Variants in SMG1 observed in about 807,000 individuals in gnomAD.
SMG1 encodes the protein serine/threonine-protein kinase SMG1.
SMG1 carries 22 observed loss-of-function variants against 419.9 expected under a neutral mutation model. The observed-to-expected ratio is 0.05, with a 90% CI of 0.04 to 0.07. The LOEUF (loss-of-function observed/expected upper bound fraction) is 0.07. Ranked by LOEUF, SMG1 falls within the 10% of genes least tolerant of loss-of-function variation. SMG1 has a pLI of 1.00. For missense variants in SMG1, 3,185 were observed against 4,342.0 expected, an observed-to-expected ratio of 0.73 and a Z score of 7.49; for synonymous variants, 1,538 against 1,553.5, an observed-to-expected ratio of 0.99 and a Z score of 0.23.
At chr16:18,913,492 TAAAAA>T (rs201026213) in intron 1 of SMG1, among the ~76,000 whole-genome samples, 1 of 143,434 alleles carries the variant, frequency 7.0e-6, no homozygotes, top group South Asian at 2.2e-4. Context: ...AGAGCTTCAG[TAAAAA>T]AAAAAAGAAA....
In SMG1 at chr16:18,833,170, T is replaced by C. The variant is rs781350038; in HGVS notation, c.8566-4A>G. On this transcript the variant is annotated splice_region_variant and splice_polypyrimidine_tract_variant and intron_variant, in intron 50 of 62. Transcript: ENST00000446231. ...GCCGGAAATTCGAATTCAATTCCTA[T>C]AAATATATGAGAAAAAAACTTTTAA... is the stretch of plus-strand genomic sequence containing the variant. The C allele has an allele frequency of 3.1e-6, 5 of 1,611,138 alleles. No homozygotes were observed. The South Asian group carries it at 3.3e-5, about 11-fold the overall frequency.
chr16:18,838,901 T>C (rs1020316791), intron 42 of SMG1, among the ~76,000 whole-genome samples: 2 of 152,232 alleles, frequency 1.3e-5, no homozygotes, highest in African/African-American at 4.8e-5. Flanking sequence ...TAATCAGCTA[T>C]CAGGATGCTG....
At chr16:18,844,207 T>C (rs975234829) in intron 39 of SMG1, among the ~76,000 whole-genome samples, 1 of 151,912 alleles carries the variant, frequency 6.6e-6, no homozygotes, top group Non-Finnish European at 1.5e-5. Context: ...GGAGGGTGGA[T>C]CACTTGAGGC....
intron 41 of SMG1, among the ~76,000 whole-genome samples, chr16:18,841,043 G>C (rs1050250128): frequency 8.6e-5 from 13 of 152,026 alleles, no homozygotes; most frequent in African/African-American, 3.1e-4. Context: ...CTGGACAACA[G>C]AGCAAGACCC....
chr16:18,902,663 G>A (rs1219415886), intron 1 of SMG1, among the ~76,000 whole-genome samples: 1 of 151,500 alleles, frequency 6.6e-6, no homozygotes, highest in East Asian at 1.9e-4. Flanking sequence ...CTGTGATCAT[G>A]CCACTGCACT....
intron 47 of SMG1, 32 bp from the exon 48 acceptor site, chr16:18,836,244 A>G (rs1442351744): frequency 1.2e-6 from 2 of 1,602,080 alleles, no homozygotes; most frequent in African/African-American, 1.3e-5. Context: ...AAACACAGTA[A>G]AACAGGGTCA....
intron 6 of SMG1, 72 bp from the exon 7 acceptor site, chr16:18,885,738 A>G: frequency 7.2e-7 from 1 of 1,393,454 alleles, no homozygotes. Flanking sequence ...TAGGTTCATT[A>G]TTTACTGACT....
chr16:18,848,177 T>C lies in SMG1; in HGVS notation c.5624-144A>G. 3 of 665,624 alleles carry C rather than the reference T, an allele frequency of 4.5e-6. 1 individual carries two copies. In the South Asian group the frequency reaches 5.8e-5, roughly 13 times the overall value. 41.2% of individuals were successfully genotyped at this position (665,624 alleles called of 1,614,324 possible). A position where few individuals can be genotyped will look rare whatever the true frequency, so the allele number is the denominator to read the frequency against. ...TTCCAGGCATAGAACTGATTAAAGA[T>C]TGTGGATATTCTGCCTTTTTATAGG... On this transcript the variant is annotated intron_variant, in intron 36 of 62. Coordinates refer to ENST00000446231, the MANE Select transcript of SMG1 (RefSeq NM_015092.5).
intron 10 of SMG1, among the ~76,000 whole-genome samples, chr16:18,881,541 TTATGAC>T (rs2036397516): frequency 6.6e-6 from 1 of 152,224 alleles, no homozygotes; most frequent in Non-Finnish European, 1.5e-5. Context: ...ATTAAATCTT[TTATGAC>T]TATATCACAC....
chr16:18,896,902 A>G lies in SMG1; in HGVS notation c.147T>C (p.Asp49=), dbSNP rs776732521. Residue 49 remains aspartate, a synonymous_variant, in exon 2 of 63, where the codon GAT becomes GAC. Transcript: ENST00000446231. ...GTCCATAAGAGGAAGAACCACCTCTATCTCTGGATGAAGAATATTTTAAAT... is the reference window on the plus strand; with the variant it reads ...GTCCATAAGAGGAAGAACCACCTCTGTCTCTGGATGAAGAATATTTTAAAT... The part of the protein sequence containing the change: ...PDNLKYSSSR[D]RGGSSSYGLQ... 6.2e-7 allele frequency: 1 copy of G among 1,602,736 alleles called. No individual in the cohort carries two copies. Among genetic ancestry groups the G allele is most frequent in the Non-Finnish European group, 8.5e-7 (1 of 1,173,958 alleles).
intron 1 of SMG1, among the ~76,000 whole-genome samples, chr16:18,914,941 A>AT (rs35987365): frequency 8.9e-4 from 127 of 142,488 alleles, no homozygotes; most frequent in East Asian, 2.1e-3. Flanking sequence ...AAATTACCAT[A>AT]TTTTTTTTTT....
chr16:18,854,878 G>C lies in SMG1; in HGVS notation c.4261C>G (p.Leu1421Val). Residue 1421 changes from leucine (L) to valine (V), a missense_variant, in exon 30 of 63, where the codon CTC (leucine) becomes GTC (valine). Around this residue, in one of 27 missense-constraint regions of SMG1, gnomAD observed 493 missense variants for 552.9 expected, o/e 0.89. Coordinates refer to ENST00000446231, the MANE Select transcript of SMG1 (RefSeq NM_015092.5). ...KEQTVPIRSH[L>V]MELGLTAAKF... ...GCTGCTGTTAGACCTAATTCCATGA[G>C]ATGGCTTCTAATTGGGACTGTTTGT... 6.2e-7 allele frequency: 1 copy of C among 1,613,918 alleles called. No homozygotes were observed. Among genetic ancestry groups the C allele is most frequent in the Non-Finnish European group, 8.5e-7 (1 of 1,179,854 alleles).
intron 29 of SMG1, chr16:18,856,366 T>TCA (rs1379980851): frequency 5.3e-5 from 7 of 132,534 alleles, no homozygotes; most frequent in African/African-American, 2.0e-4. Context: ...AAATAGAGTC[T>TCA]CACTCTGTTG....
chr16:18,814,029 C>CAAAAAAAAA (rs34998351), intron 60 of SMG1, among the ~76,000 whole-genome samples: 4 of 60,074 alleles, frequency 6.7e-5, no homozygotes, highest in African/African-American at 1.4e-4. Flanking sequence ...AGACTCATCT[C>CAAAAAAAAA]AAAAAAAAAA....
intron 62 of SMG1, among the ~76,000 whole-genome samples, chr16:18,810,794 TTATAG>T: frequency 6.6e-6 from 1 of 152,180 alleles, no homozygotes; most frequent in Admixed American, 6.5e-5. Context: ...AGCTACAGTA[TTATAG>T]TATTTTGTTC....
Position 18,832,977 on chromosome 16 carries a change from C to T in SMG1, c.8755G>A (p.Glu2919Lys). The T allele has an allele frequency of 6.2e-7, 1 of 1,613,962 alleles. No individual in the cohort carries two copies. Among genetic ancestry groups the T allele is most frequent in the African/African-American group, 1.3e-5 (1 of 75,028 alleles). Residue 2919 changes from glutamate (E) to lysine (K), a missense_variant, in exon 51 of 63, where the codon GAA becomes AAA. Coordinates refer to ENST00000446231, the MANE Select transcript of SMG1 (RefSeq NM_015092.5). Reference protein sequence around the residue: ...AYLRNAAMGLEEETHAHYIDV... With the variant: ...AYLRNAAMGLKEETHAHYIDV... Reference sequence around the variant, plus strand: ...ATGTAATGAGCATGTGTTTCTTCTTCCAGTCCCATAGCTGCGTTTCTTAAG... The same window carrying T: ...ATGTAATGAGCATGTGTTTCTTCTTTCAGTCCCATAGCTGCGTTTCTTAAG...
chr16:18,925,078 C>G (rs1045424344), intron 1 of SMG1: 7 of 152,158 alleles, frequency 4.6e-5, no homozygotes, highest in Non-Finnish European at 1.0e-4. Flanking sequence ...CAAACAGACT[C>G]TGAATACAAG....
intron 56 of SMG1, among the ~76,000 whole-genome samples, chr16:18,818,468 A>G (rs2032220072): frequency 1.3e-5 from 2 of 152,048 alleles, no homozygotes; most frequent in Non-Finnish European, 2.9e-5. Flanking sequence ...CCTAGCTTCA[A>G]GCCATCCTCC....
At chr16:18,814,330 GAT>G (rs546511357) in intron 60 of SMG1, among the ~76,000 whole-genome samples, 2 of 149,556 alleles carry the variant, frequency 1.3e-5, no homozygotes. Flanking sequence ...ATGTTTCTCT[GAT>G]ATATATATAT....
Sources: allele counts gnomAD v4.1 joint callset (sites outside exome capture counted in the v4.1 genomes callset), GRCh38; gene constraint gnomAD v4.1.1; regional missense constraint gnomAD v4.1.1; transcripts MANE v1.5; gene names NCBI Gene and HGNC (gene_info 2026-07-23, HGNC 2026-07-21).